The following SARS2 variants were observed in gnomAD, a reference collection of about 807,000 sequenced individuals.
The protein encoded by SARS2 is seryl-tRNA synthetase 2, mitochondrial.
Under a neutral mutation model 66.8 loss-of-function variants are expected in SARS2, and 52 were observed. That is an observed-to-expected ratio of 0.78 (90% CI 0.62 to 0.98). The LOEUF is 0.98. Among genes scored for constraint, SARS2 ranks in the 50% least tolerant of loss-of-function variants. SARS2 has a pLI of 0.00. For missense variants in SARS2, 673 were observed against 706.3 expected, an observed-to-expected ratio of 0.95 and a Z score of 0.53; for synonymous variants, 306 against 281.4, an observed-to-expected ratio of 1.09 and a Z score of -0.87.
At chr19:38,924,243 C>T (rs1600170377) in intron 2 of SARS2, among the ~76,000 whole-genome samples, 1 of 152,120 alleles carries the variant, frequency 6.6e-6, no homozygotes, top group Admixed American at 6.6e-5. Flanking sequence ...AACCAAGGCC[C>T]CTTGACATTC....
rs746697410 is a variant in SARS2, at chr19:38,918,101, G to A, written c.955C>T (p.Pro319Ser). The change falls in exon 10 of 16, where the codon CCA (proline) becomes TCA (serine). Residue 319 changes from proline to serine, a missense_variant. By Grantham distance (74) the Pro-to-Ser change is moderately conservative. Transcript: ENST00000221431. Reference sequence around the variant, plus strand: ...AAGGAAACCAGGTGTCACCTGACTGGCAGGTCCCTGAAGGCCACGGTGTGG... The same window carrying A: ...AAGGAAACCAGGTGTCACCTGACTGACAGGTCCCTGAAGGCCACGGTGTGG... The part of the protein sequence containing the change: ...MDHTVAFRDL[P>S]VRMVCSSTCY... The A allele has an allele frequency of 1.2e-6, 2 of 1,605,050 alleles. No homozygotes were observed. The highest frequency in any genetic ancestry group is 1.7e-6 in the Non-Finnish European group (2 of 1,176,060).
rs1974388942 is a variant in SARS2, at chr19:38,915,335, A to AG, written c.*270dup. 9.1e-6 allele frequency: 5 copies of AG among 551,266 alleles called. No individual in the cohort carries two copies. The highest frequency in any genetic ancestry group is 6.5e-5 in the Admixed American group (2 of 30,846). 34.1% of individuals were successfully genotyped at this position (551,266 alleles called of 1,614,324 possible). On this transcript the variant is annotated 3_prime_UTR_variant, in exon 16 of 16. Transcript: ENST00000221431. ...GAGGAAAGAAGGAAGGAGGGATGGA[A>AG]GCCTCTTCCTCTGCTTCTCCTGTCC...
At chr19:38,921,907 A>G (rs1207601574) in intron 3 of SARS2, 1 of 1,456,690 alleles carries the variant, frequency 6.9e-7, no homozygotes, top group Non-Finnish European at 9.4e-7. Context: ...TGGCTCAGAG[A>G]CAGGCACCTG....
At chr19:38,929,491 G>A (rs1227939865) in intron 1 of SARS2, among the ~76,000 whole-genome samples, 1 of 150,844 alleles carries the variant, frequency 6.6e-6, no homozygotes, top group Admixed American at 6.6e-5. Context: ...GGAATTCAAG[G>A]TTCCAGTGAG....
chr19:38,930,731 A>G lies in SARS2; in HGVS notation c.6T>C (p.Ala2=). The change falls in exon 1 of 16, where the codon GCT becomes GCC. Residue 2 remains alanine (A), a synonymous_variant. Coordinates refer to ENST00000221431, the MANE Select transcript of SARS2 (RefSeq NM_017827.4). The part of the protein sequence containing the change: M[A]ASMARRLWPL... ...GCCACAAGCGCCGCGCCATGGACGCAGCCATCTTGGACCGGGAACAAGGCG... is the reference window on the plus strand; with the variant it reads ...GCCACAAGCGCCGCGCCATGGACGCGGCCATCTTGGACCGGGAACAAGGCG... The G allele has an allele frequency of 3.7e-6, 6 of 1,613,266 alleles. No homozygotes were observed. Among genetic ancestry groups the G allele is most frequent in the Non-Finnish European group, 5.1e-6 (6 of 1,180,014 alleles).
rs527518852 is a variant in SARS2 at position 38,919,951 on chromosome 19, G to A, written c.654-84C>T. ...TGAAAACACCCGGGGGAAGAGGCCC[G>A]GCTGCTGGGTGGGGCTGGGGCATCA... On this transcript the variant is annotated intron_variant, in intron 6 of 15. Coordinates refer to ENST00000221431, the MANE Select transcript of SARS2 (RefSeq NM_017827.4). The A allele has an allele frequency of 4.1e-5, 58 of 1,406,358 alleles. No individual in the cohort carries two copies. In the South Asian group the frequency reaches 4.2e-4, roughly 10 times the overall value. 87.1% of individuals were successfully genotyped at this position (1,406,358 alleles called of 1,614,324 possible).
rs769657405 is a variant in SARS2 at position 38,915,844 on chromosome 19, C to T, written c.1410G>A (p.Gln470=). 2.9e-5 allele frequency: 46 copies of T among 1,613,662 alleles called. No homozygotes were observed. The highest frequency in any genetic ancestry group is 5.3e-5 in the African/African-American group (4 of 74,948). Residue 470 remains glutamine (Q), a synonymous_variant, in exon 15 of 16, where the codon CAG becomes CAA. Coordinates refer to ENST00000221431, the MANE Select transcript of SARS2 (RefSeq NM_017827.4). The part of the protein sequence containing the change: ...LLIALLESNQ[Q]KDGSVLVPPA... Reference sequence around the variant, plus strand: ...GGTGGGCCCCTCAGCCCCTCACCTTCTGCTGGTTACTCTCCAGGAGCGCGA... The same window carrying T: ...GGTGGGCCCCTCAGCCCCTCACCTTTTGCTGGTTACTCTCCAGGAGCGCGA...
chr19:38,925,241 G>A (rs1974607860), intron 2 of SARS2, among the ~76,000 whole-genome samples: 1 of 152,130 alleles, frequency 6.6e-6, no homozygotes, highest in South Asian at 2.1e-4. Context: ...TGAACCCAGG[G>A]GGCAGAGGGT....
intron 2 of SARS2, among the ~76,000 whole-genome samples, chr19:38,922,502 G>A (rs1974555573): frequency 1.3e-5 from 2 of 152,310 alleles, no homozygotes; most frequent in Admixed American, 1.3e-4. Context: ...ATGCCTCCAT[G>A]CCAGGCTCTA....
At chr19:38,917,883 C>A in intron 11 of SARS2, 38 bp downstream of exon 11, 1 of 1,609,188 alleles carries the variant, frequency 6.2e-7, no homozygotes, top group Non-Finnish European at 8.5e-7. Context: ...TTGGGGTGGC[C>A]CCCCACCCCA....
intron 3 of SARS2, 181 bp from the exon 4 acceptor site, chr19:38,921,848 G>T (rs1364052211): frequency 8.3e-6 from 11 of 1,322,612 alleles, no homozygotes; most frequent in Non-Finnish European, 1.1e-5. Context: ...GTGGGGAAAA[G>T]AATCAGGCCT....
Position 38,918,095 on chromosome 19 carries a change from T to G in SARS2, c.961A>C (p.Arg321=). 1 of 1,606,974 alleles carries G rather than the reference T, an allele frequency of 6.2e-7. No individual in the cohort carries two copies. The highest frequency in any genetic ancestry group is 8.5e-7 in the Non-Finnish European group (1 of 1,176,900). The part of the protein sequence containing the change: ...HTVAFRDLPV[R]MVCSSTCYRA... ...AGGTCTAAGGAAACCAGGTGTCACCTGACTGGCAGGTCCCTGAAGGCCACG... is the reference window on the plus strand; with the variant it reads ...AGGTCTAAGGAAACCAGGTGTCACCGGACTGGCAGGTCCCTGAAGGCCACG... The change falls in exon 10 of 16, where the codon AGG becomes CGG. Residue 321 remains arginine, a splice_region_variant and synonymous_variant. Coordinates refer to ENST00000221431, the MANE Select transcript of SARS2 (RefSeq NM_017827.4).
intron 1 of SARS2, among the ~76,000 whole-genome samples, chr19:38,929,053 C>T (rs540443117): frequency 1.3e-5 from 2 of 151,932 alleles, no homozygotes; most frequent in African/African-American, 2.4e-5. Flanking sequence ...CCCGTCTCTA[C>T]TAAAAATACA....
In SARS2 at chr19:38,918,486, G is replaced by A. The variant is rs574003951; in HGVS notation, c.852C>T (p.Tyr284=). 3.1e-6 allele frequency: 5 copies of A among 1,614,218 alleles called. No individual in the cohort carries two copies. In the South Asian group the frequency reaches 3.3e-5, roughly 11 times the overall value. The part of the protein sequence containing the change: ...MTPNANPSQI[Y]NIDPARFKDL... ...CTTTGAAGCGGGCAGGGTCGATGTTGTAAATTTGGGATGGGTTGGCATTTG... is the reference window on the plus strand; with the variant it reads ...CTTTGAAGCGGGCAGGGTCGATGTTATAAATTTGGGATGGGTTGGCATTTG... The change falls in exon 9 of 16, where the codon TAC becomes TAT. Residue 284 remains tyrosine (Y), a synonymous_variant. Transcript: ENST00000221431.
At chr19:38,917,892 C>T (rs753125775) in intron 11 of SARS2, 29 bp downstream of exon 11, 1 of 1,613,290 alleles carries the variant, frequency 6.2e-7, no homozygotes, top group Non-Finnish European at 8.5e-7. Flanking sequence ...CCCCCCACCC[C>T]AGCCCCGTTT....
In SARS2 at chr19:38,919,112, A is replaced by C. The variant is rs1974472711; in HGVS notation, c.760-299T>G. ...CACTCCAGTCTGGGTGACAGAGCGA[A>C]CTCTGTCAAAAAGAAAAAAAAAAAA... On this transcript the variant is annotated intron_variant, in intron 7 of 15. Transcript: ENST00000221431. 2.0e-5 allele frequency among the ~76,000 whole-genome samples: 3 copies of C among 151,552 alleles called. No individual in the cohort carries two copies. In the South Asian group the frequency reaches 6.3e-4, roughly 32 times the overall value.
rs2144764225 is a variant in SARS2, at chr19:38,918,150, A to G, written c.917-11T>C. ...GGTCCATGAAGTAGCCTGGGAGGAG[A>G]GACCACAGGGTGAGCCAGGGCTGCC... On this transcript the variant is annotated splice_polypyrimidine_tract_variant and intron_variant, in intron 9 of 15. Transcript: ENST00000221431. The G allele has an allele frequency of 1.3e-6, 2 of 1,592,812 alleles. No individual in the cohort carries two copies. Among genetic ancestry groups the G allele is most frequent in the Non-Finnish European group, 1.7e-6 (2 of 1,169,882 alleles).
intron 1 of SARS2, chr19:38,930,232 A>C: frequency 1.7e-6 from 1 of 573,356 alleles, no homozygotes; most frequent in Non-Finnish European, 3.1e-6. Context: ...AGCGAGCAGT[A>C]TGAAACAAGC....
intron 7 of SARS2, 31 bp downstream of exon 7, chr19:38,919,731 C>T: frequency 1.3e-6 from 2 of 1,582,834 alleles, no homozygotes; most frequent in Non-Finnish European, 1.7e-6. Context: ...ATGCCACCCC[C>T]TCCAGGCAGC....
Sources: allele counts gnomAD v4.1 joint callset (sites outside exome capture counted in the v4.1 genomes callset), GRCh38; gene constraint gnomAD v4.1.1; transcripts MANE v1.5; gene names NCBI Gene and HGNC (gene_info 2026-07-23, HGNC 2026-07-21).